ZNF536: variants seen among roughly 807,000 people sequenced by gnomAD.
ZNF536 encodes the protein zinc finger protein 536.
A neutral mutation model predicts 84.5 loss-of-function variants in ZNF536; 13 were observed. That is an observed-to-expected ratio of 0.15 (90% CI 0.10 to 0.24). ZNF536 has a LOEUF of 0.24. ZNF536 is among the 10% of genes least tolerant of loss of function. The pLI, the probability that ZNF536 is intolerant of heterozygous loss-of-function variation, is 1.00. For missense variants in ZNF536, 1,536 were observed against 1,747.5 expected (o/e 0.88, Z 2.16); for synonymous variants, 811 against 742.5 (o/e 1.09, Z -1.50).
intron 1 of ZNF536, among the ~76,000 whole-genome samples, chr19:30,282,441 C>T (rs538435840): frequency 7.9e-5 from 12 of 152,308 alleles, no homozygotes; most frequent in African/African-American, 2.4e-4. Context: ...TGATCAATGG[C>T]GTGAAGCTGG....
intron 1 of ZNF536, among the ~76,000 whole-genome samples, chr19:30,706,112 AT>A (rs2052215306): frequency 6.6e-6 from 1 of 152,332 alleles, no homozygotes; most frequent in South Asian, 2.1e-4. Flanking sequence ...TGGCAGTATC[AT>A]TTGTAGGGAG....
intron 1 of ZNF536, among the ~76,000 whole-genome samples, chr19:30,440,056 G>A (rs546973232): frequency 6.7e-6 from 1 of 149,010 alleles, no homozygotes; most frequent in African/African-American, 2.5e-5. Context: ...CACTTCCCGG[G>A]TTCCAGTGAT....
chr19:30,711,911 A>G (rs2144802209), exon 2 of ZNF536: 1 of 152,286 alleles, frequency 6.6e-6, no homozygotes, highest in East Asian at 1.9e-4. Context: ...AGATTTTTTT[A>G]CTATGATTTT....
At chr19:30,590,141 C>T (rs1169772235) in intron 1 of ZNF536, among the ~76,000 whole-genome samples, 1 of 152,190 alleles carries the variant, frequency 6.6e-6, no homozygotes, top group Non-Finnish European at 1.5e-5. Flanking sequence ...TTGGCCATGT[C>T]AACCCATGGA....
chr19:30,606,214 A>AC (rs1355721198), intron 1 of ZNF536, among the ~76,000 whole-genome samples: 1 of 136,798 alleles, frequency 7.3e-6, no homozygotes, highest in East Asian at 2.0e-4. Flanking sequence ...AAATAAAATA[A>AC]AATATAAAAT....
intron 2 of ZNF536, among the ~76,000 whole-genome samples, chr19:30,326,658 C>T (rs932739757): frequency 1.3e-5 from 2 of 151,856 alleles, no homozygotes; most frequent in African/African-American, 4.8e-5. Flanking sequence ...GTGTGTGAGA[C>T]GGCTTTCGAT....
chr19:30,523,571 G>A (rs930643115), intron 2 of ZNF536, among the ~76,000 whole-genome samples: 1 of 152,216 alleles, frequency 6.6e-6, no homozygotes, highest in African/African-American at 2.4e-5. Context: ...ACAAGATGGA[G>A]AAGCCTTTGG....
chr19:30,234,114 T>G (rs551482701), intron 1 of ZNF536, among the ~76,000 whole-genome samples: 1 of 152,356 alleles, frequency 6.6e-6, no homozygotes, highest in South Asian at 2.1e-4. Context: ...CTACTATTCT[T>G]AGTCTATGGC....
chr19:30,615,894 CTCTCTGCCTCTCTA>C (rs911158576), intron 1 of ZNF536, among the ~76,000 whole-genome samples: 3 of 152,128 alleles, frequency 2.0e-5, no homozygotes, highest in African/African-American at 7.2e-5. Context: ...CTGTCCCTCT[CTCTCTGCCTCTCTA>C]TCTCTCTGTC....
intron 1 of ZNF536, among the ~76,000 whole-genome samples, chr19:30,264,243 C>T (rs1439122684): frequency 6.6e-6 from 1 of 152,096 alleles, no homozygotes; most frequent in African/African-American, 2.4e-5. Flanking sequence ...GTGCTGATAA[C>T]CTGAAATTGA....
At chr19:30,576,782 T>A (rs2046753393) in intron 1 of ZNF536, among the ~76,000 whole-genome samples, 1 of 152,210 alleles carries the variant, frequency 6.6e-6, no homozygotes, top group Admixed American at 6.5e-5. Flanking sequence ...TTTCTTGTCC[T>A]GGGCAATGCT....
chr19:30,471,814 A>T (rs1163070188), intron 2 of ZNF536, among the ~76,000 whole-genome samples: 1 of 152,268 alleles, frequency 6.6e-6, no homozygotes, highest in Non-Finnish European at 1.5e-5. Flanking sequence ...TTAGTAACAA[A>T]CAGCAGCAAC....
At chr19:30,618,691 T>C (rs1000460520) in intron 1 of ZNF536, among the ~76,000 whole-genome samples, 3 of 152,180 alleles carry the variant, frequency 2.0e-5, no homozygotes, top group East Asian at 1.9e-4. Flanking sequence ...AATATTCTAA[T>C]AGTTACCTTT....
At chr19:30,602,938 T>G (rs1488223398) in intron 1 of ZNF536, among the ~76,000 whole-genome samples, 1 of 152,190 alleles carries the variant, frequency 6.6e-6, no homozygotes, top group African/African-American at 2.4e-5. Flanking sequence ...CAAGCTAGAC[T>G]TCGGTACCCA....
chr19:30,645,181 T>A (rs1320445928), intron 1 of ZNF536, among the ~76,000 whole-genome samples: 1 of 152,252 alleles, frequency 6.6e-6, no homozygotes, highest in Non-Finnish European at 1.5e-5. Flanking sequence ...GAGAAATGTC[T>A]GTTCATATCC....
rs1568439031 is a variant in ZNF536 at position 30,445,530 on chromosome 19, C to A, written c.1968C>A (p.Asp656Glu). The A allele has an allele frequency of 1.9e-6, 3 of 1,613,754 alleles. No individual in the cohort carries two copies. Among genetic ancestry groups the A allele is most frequent in the Admixed American group, 1.7e-5 (1 of 59,998 alleles). Residue 656 changes from aspartate to glutamate, a missense_variant, in exon 2 of 5, where the codon GAC becomes GAA. Physicochemically the swap from Asp to Glu is conservative, Grantham distance 45. Coordinates refer to ENST00000355537, the MANE Select transcript of ZNF536 (RefSeq NM_014717.3). The surrounding 1 kb of genome is among the most constrained non-coding windows in gnomAD (Gnocchi z 4.5). ...TGCACTCCCGTGTCCACAAGCGGGACCGCAAGGGCGAGGAGGATGGGCTGC... is the reference window on the plus strand; with the variant it reads ...TGCACTCCCGTGTCCACAAGCGGGAACGCAAGGGCGAGGAGGATGGGCTGC... ...VVVHSRVHKR[D>E]RKGEEDGLHV...
chr19:30,708,240 A>G (rs758155753), intron 1 of ZNF536, among the ~76,000 whole-genome samples: 69 of 152,266 alleles, frequency 4.5e-4, no homozygotes, highest in Middle Eastern at 6.8e-3. Context: ...TCAAAGCCTG[A>G]ATAGAGAAGT....
intron 2 of ZNF536, among the ~76,000 whole-genome samples, chr19:30,307,860 G>A (rs1285440191): frequency 2.6e-5 from 4 of 152,172 alleles, no homozygotes; most frequent in African/African-American, 4.8e-5. Context: ...TACCCAGAAA[G>A]CAGCGTAACT....
At chr19:30,504,226 T>C (rs2055064625) in intron 2 of ZNF536, among the ~76,000 whole-genome samples, 1 of 149,758 alleles carries the variant, frequency 6.7e-6, no homozygotes, top group Non-Finnish European at 1.5e-5. Context: ...TCCCTTCTTC[T>C]TTCCCTTCCT....
Sources: gnomAD v4.1 joint callset for allele counts (sites outside exome capture counted in the v4.1 genomes callset) on GRCh38, gnomAD v4.1.1 for gene constraint, Gnocchi (gnomAD v3.1) non-coding constraint, MANE v1.5 for transcripts, NCBI Gene and HGNC (gene_info 2026-07-23, HGNC 2026-07-21) for gene names.